Variants in TENM1 observed in about 807,000 individuals in gnomAD.
TENM1 encodes teneurin transmembrane protein 1.
TENM1 carries 35 observed loss-of-function variants against 174.8 expected under a neutral mutation model. The ratio of observed to expected loss-of-function variants is 0.20; its 90% CI spans 0.15 to 0.27. The LOEUF is 0.27. Among genes scored for constraint, TENM1 ranks in the 10% least tolerant of loss-of-function variants. TENM1 has a pLI of 1.00. For synonymous variants in TENM1, 781 were observed against 798.7 expected, an observed-to-expected ratio of 0.98 and a Z score of 0.37; for missense variants, 1,633 against 2,130.1, an observed-to-expected ratio of 0.77 and a Z score of 4.59.
At chrX:124,856,606 G>T (rs1422007561) in intron 3 of TENM1, among the ~76,000 whole-genome samples, 1 of 111,266 alleles carries the variant, frequency 9.0e-6, no homozygotes, top group Non-Finnish European at 1.9e-5. Context: ...AGGTCAGTAG[G>T]TTAAGAATGG....
At chrX:125,147,790 G>T in the TENM1 span, among the ~76,000 whole-genome samples, 1 of 111,598 alleles carries the variant, frequency 9.0e-6, no homozygotes, top group Non-Finnish European at 1.9e-5. Flanking sequence ...AAGAGCAAGA[G>T]AAAACCCTCA....
intron 3 of TENM1, among the ~76,000 whole-genome samples, chrX:124,779,957 A>G (rs2054870744): frequency 8.9e-6 from 1 of 111,909 alleles, no homozygotes. Flanking sequence ...AATATTCACA[A>G]TCCCATACTT....
At chrX:125,185,531 C>T in the TENM1 span, among the ~76,000 whole-genome samples, 1 of 112,583 alleles carries the variant, frequency 8.9e-6, no homozygotes, top group African/African-American at 3.2e-5. Flanking sequence ...ATTTCATTTA[C>T]ATGACATGCA....
intron 1 of TENM1, among the ~76,000 whole-genome samples, chrX:124,907,227 C>T (rs1264510687): frequency 1.8e-5 from 2 of 112,199 alleles, no homozygotes; most frequent in African/African-American, 6.5e-5. Flanking sequence ...TGTTCACACA[C>T]TGTCATCAAT....
At chrX:125,119,246 A>G in the TENM1 span, among the ~76,000 whole-genome samples, 54 of 111,787 alleles carry the variant, frequency 4.8e-4, no homozygotes, top group African/African-American at 1.7e-3. Flanking sequence ...GCACATATTT[A>G]TGGGGTACAA....
intron 1 of TENM1, among the ~76,000 whole-genome samples, chrX:124,928,837 T>C (rs2058127846): frequency 9.0e-6 from 1 of 111,533 alleles, no homozygotes; most frequent in South Asian, 3.8e-4. Flanking sequence ...GCCCCTTAAA[T>C]GACCATGCTA....
At chrX:124,502,476 C>T (rs1349760140) in intron 19 of TENM1, among the ~76,000 whole-genome samples, 4 of 112,009 alleles carry the variant, frequency 3.6e-5, no homozygotes, top group Non-Finnish European at 7.5e-5. Context: ...CCATACAAGC[C>T]AATATAAGTG....
At chrX:124,548,769 G>A (rs757535385) in intron 14 of TENM1, among the ~76,000 whole-genome samples, 1 of 111,113 alleles carries the variant, frequency 9.0e-6, no homozygotes, top group African/African-American at 3.3e-5. Context: ...CCACTTGTCT[G>A]CTCCCGTGGA....
intron 1 of TENM1, among the ~76,000 whole-genome samples, chrX:124,919,479 TG>T (rs2057986478): frequency 8.9e-6 from 1 of 111,806 alleles, no homozygotes; most frequent in Admixed American, 9.5e-5. Flanking sequence ...TTAAGAAATT[TG>T]TAAACATATG....
chrX:124,947,725 C>T (rs2058423371), intron 1 of TENM1, among the ~76,000 whole-genome samples: 1 of 112,018 alleles, frequency 8.9e-6, no homozygotes, highest in African/African-American at 3.2e-5. Context: ...AACTTGGGAA[C>T]TCACCAGAGA....
chrX:124,437,819 C>A, intron 23 of TENM1, among the ~76,000 whole-genome samples: 1 of 112,048 alleles, frequency 8.9e-6, no homozygotes, highest in Middle Eastern at 4.7e-3. Context: ...TTATGTATCT[C>A]AAGATAAACA....
intron 18 of TENM1, among the ~76,000 whole-genome samples, chrX:124,510,839 G>T (rs1394904727): frequency 9.2e-6 from 1 of 108,482 alleles, no homozygotes; most frequent in African/African-American, 3.4e-5. Context: ...ATCACATTCT[G>T]GTATGTTCTA....
chrX:124,826,927 TA>T (rs781298583), intron 3 of TENM1, among the ~76,000 whole-genome samples: 4 of 110,898 alleles, frequency 3.6e-5, no homozygotes, highest in South Asian at 3.8e-4. Context: ...TACTGGTGTT[TA>T]AAAAAAAATG....
chrX:125,120,996 A>G, the TENM1 span, among the ~76,000 whole-genome samples: 2 of 111,518 alleles, frequency 1.8e-5, no homozygotes, highest in African/African-American at 6.5e-5. Flanking sequence ...ACATGTTATC[A>G]TTAAAGTGGG....
At chrX:124,602,245 T>C (rs1286020054) in intron 11 of TENM1, among the ~76,000 whole-genome samples, 1 of 111,144 alleles carries the variant, frequency 9.0e-6, no homozygotes, top group Admixed American at 9.6e-5. Context: ...ATAATTCAGA[T>C]ACCTGTGTTT....
In TENM1 at chrX:124,868,368, T is replaced by C. The variant is rs1276578271; in HGVS notation, c.535+25928A>G. 3.6e-5 allele frequency among the ~76,000 whole-genome samples: 4 copies of C among 111,345 alleles called. No homozygotes were observed. In the Admixed American group the frequency reaches 3.8e-4, roughly 11 times the overall value. On this transcript the variant is annotated intron_variant, in intron 3 of 31. Transcript: ENST00000422452. ...ATTTTTGACAAGGGTGCCAGTAACATACACTGGGGAAAGGACAGGCACGTC... is the reference window on the plus strand; with the variant it reads ...ATTTTTGACAAGGGTGCCAGTAACACACACTGGGGAAAGGACAGGCACGTC...
At chrX:124,722,818 C>T (rs1397384025) in intron 4 of TENM1, among the ~76,000 whole-genome samples, 6 of 84,633 alleles carry the variant, frequency 7.1e-5, no homozygotes, top group African/African-American at 4.8e-5. Context: ...CCAGCCTGGG[C>T]GACAGAGAGA....
At chrX:125,169,800 T>G in the TENM1 span, among the ~76,000 whole-genome samples, 1 of 110,482 alleles carries the variant, frequency 9.1e-6, no homozygotes, top group South Asian at 3.9e-4. Flanking sequence ...TTCTTCTTTT[T>G]ATGCCTGGCT....
chrX:124,711,229 G>C (rs779837118), intron 4 of TENM1, among the ~76,000 whole-genome samples: 12 of 111,343 alleles, frequency 1.1e-4, no homozygotes, highest in Non-Finnish European at 1.7e-4. Context: ...AGAATGATGA[G>C]ACCCAGTGGT....
Sources: gnomAD v4.1 joint callset for allele counts (sites outside exome capture counted in the v4.1 genomes callset) on GRCh38, gnomAD v4.1.1 for gene constraint, MANE v1.5 for transcripts, NCBI Gene and HGNC (gene_info 2026-07-23, HGNC 2026-07-21) for gene names.